Variants in PARD6G observed in about 807,000 individuals in gnomAD.
The protein encoded by PARD6G is par-6 family cell polarity regulator gamma.
PARD6G carries 7 observed loss-of-function variants against 10.7 expected under a neutral mutation model. That is an observed-to-expected ratio of 0.66 (90% CI 0.37 to 1.23). PARD6G has a LOEUF of 1.23. PARD6G is among the 50% of genes most tolerant of loss of function. The pLI is 0.02. For synonymous variants in PARD6G, 287 were observed against 269.4 expected (o/e 1.07, Z -0.64); for missense variants, 548 against 571.8 (o/e 0.96, Z 0.42).
At position 80,180,749 on chromosome 18, in the gene PARD6G, C is replaced by T. The variant is rs568511001; in HGVS notation, c.296-20143G>A. 4.6e-5 allele frequency among the ~76,000 whole-genome samples: 7 copies of T among 152,278 alleles called. No homozygotes were observed. The East Asian group carries it at 5.8e-4, about 13-fold the overall frequency. Reference sequence around the variant, plus strand: ...TGTCAGGGGGCCGGACGTCCACCTGCAGGCCCAGCCCTTCCTCATCACAAC... The same window carrying T: ...TGTCAGGGGGCCGGACGTCCACCTGTAGGCCCAGCCCTTCCTCATCACAAC... On this transcript the variant is annotated intron_variant, in intron 2 of 2. Coordinates refer to ENST00000353265, the MANE Select transcript of PARD6G (RefSeq NM_032510.4). The surrounding 1 kb of genome is among the most constrained non-coding windows in gnomAD (Gnocchi z 5.6).
intron 2 of PARD6G, among the ~76,000 whole-genome samples, chr18:80,194,257 A>G (rs543512049): frequency 6.6e-6 from 1 of 152,334 alleles, no homozygotes; most frequent in African/African-American, 2.4e-5. Flanking sequence ...CAAGCAAGCG[A>G]AATGTGAATT....
intron 1 of PARD6G, among the ~76,000 whole-genome samples, chr18:80,232,132 C>A (rs566519989): frequency 1.3e-5 from 2 of 152,284 alleles, no homozygotes; most frequent in Admixed American, 1.3e-4. Flanking sequence ...GTGACCAGAG[C>A]CAGCAGCTCT....
At chr18:80,186,970 G>A (rs2052883138) in intron 2 of PARD6G, among the ~76,000 whole-genome samples, 1 of 152,084 alleles carries the variant, frequency 6.6e-6, no homozygotes, top group Non-Finnish European at 1.5e-5. Flanking sequence ...GTGGTGGCGG[G>A]CACCTGTAGT....
At position 80,202,851 on chromosome 18, in the gene PARD6G, T is replaced by C; in HGVS notation, c.154A>G (p.Thr52Ala). 2 of 1,610,642 alleles carry C rather than the reference T, an allele frequency of 1.2e-6. No individual in the cohort carries two copies. Among genetic ancestry groups the C allele is most frequent in the Non-Finnish European group, 8.5e-7 (1 of 1,179,336 alleles). ...FEDFYKLVVHTHHISNSDVTI... is the reference protein window; with the variant it reads ...FEDFYKLVVHAHHISNSDVTI... ...ACATCACTGTTGGAGATATGGTGGG[T>C]GTGCACAACCAGCTTGTAGAAATCT... The change falls in exon 2 of 3, where the codon ACC becomes GCC. Residue 52 changes from threonine to alanine, a missense_variant. By Grantham distance (58) the Thr-to-Ala change is moderately conservative. Around this residue, in one of 2 missense-constraint regions of PARD6G, gnomAD observed 235 missense variants for 291.9 expected, o/e 0.81. Coordinates refer to ENST00000353265, the MANE Select transcript of PARD6G (RefSeq NM_032510.4).
chr18:80,193,058 C>A (rs926801400), intron 2 of PARD6G, among the ~76,000 whole-genome samples: 8 of 152,150 alleles, frequency 5.3e-5, no homozygotes, highest in Non-Finnish European at 1.0e-4. Context: ...GGTCTCTGAG[C>A]TGTACTCTTT....
At chr18:80,229,458 G>A (rs1032199986) in intron 1 of PARD6G, among the ~76,000 whole-genome samples, 2 of 152,208 alleles carry the variant, frequency 1.3e-5, no homozygotes, top group African/African-American at 2.4e-5. Flanking sequence ...GGACCTCTGG[G>A]GCTGGGCCCA....
chr18:80,225,412 G>A (rs1256210148), intron 1 of PARD6G, among the ~76,000 whole-genome samples: 1 of 152,090 alleles, frequency 6.6e-6, no homozygotes, highest in African/African-American at 2.4e-5. Flanking sequence ...TGGGGCATGA[G>A]ATGCACATAC....
rs543352087 is a variant in PARD6G, at chr18:80,188,758, C to A, written c.295+13952G>T. Among the ~76,000 whole-genome samples the A allele has an allele frequency of 2.0e-5, 3 of 152,364 alleles. No homozygotes were observed. The East Asian group carries it at 5.8e-4, about 29-fold the overall frequency. On this transcript the variant is annotated intron_variant, in intron 2 of 2. Transcript: ENST00000353265. This position sits in a 1 kb window ranked among gnomAD's most constrained non-coding sequence, Gnocchi z 5.4. ...AAGATGGGCAGCTCTCGGCCAGTCA[C>A]CCTGGCCTGGGATGGCCGGGGTACA...
chr18:80,185,834 A>G lies in PARD6G; in HGVS notation c.295+16876T>C, dbSNP rs374336123. Among the ~76,000 whole-genome samples the G allele has an allele frequency of 2.1e-4, 31 of 147,012 alleles. No homozygotes were observed. In the South Asian group the frequency reaches 6.6e-3, roughly 31 times the overall value. ...CCCTGACATGCTCGCACACCCTCAC[A>G]CACGCATGCACCCACACAGGCACCC... On this transcript the variant is annotated intron_variant, in intron 2 of 2. Coordinates refer to ENST00000353265, the MANE Select transcript of PARD6G (RefSeq NM_032510.4).
intron 2 of PARD6G, among the ~76,000 whole-genome samples, chr18:80,163,114 C>G (rs2052711618): frequency 6.6e-6 from 1 of 152,152 alleles, no homozygotes; most frequent in South Asian, 2.1e-4. Context: ...CAAATCTATG[C>G]ACTTTCAAGA....
At chr18:80,212,545 G>A (rs1239561737) in intron 1 of PARD6G, among the ~76,000 whole-genome samples, 1 of 152,090 alleles carries the variant, frequency 6.6e-6, no homozygotes, top group East Asian at 1.9e-4. Flanking sequence ...ATCCACCACC[G>A]CTACAACCGC....
At position 80,246,629 on chromosome 18, in the gene PARD6G, G is replaced by A. The variant is rs1248084157; in HGVS notation, c.72+648C>T. 5.4e-5 allele frequency among the ~76,000 whole-genome samples: 8 copies of A among 147,962 alleles called. No individual in the cohort carries two copies. Among genetic ancestry groups the A allele is most frequent in the Non-Finnish European group, 1.1e-4 (7 of 66,304 alleles). On this transcript the variant is annotated intron_variant, in intron 1 of 2. Transcript: ENST00000353265. This position sits in a 1 kb window ranked among gnomAD's most constrained non-coding sequence, Gnocchi z 6.7. ...GGGAGTCTGGGGTGGGGGCGCGCCC[G>A]TGGGGGTGGGGTGGGGTGTCTGGCC...
In PARD6G at chr18:80,192,641, C is replaced by T. The variant is rs1966909190; in HGVS notation, c.295+10069G>A. Among the ~76,000 whole-genome samples the T allele has an allele frequency of 6.6e-6, 1 of 152,158 alleles. No individual in the cohort carries two copies. Among genetic ancestry groups the T allele is most frequent in the South Asian group, 2.1e-4 (1 of 4,834 alleles). ...GGCTGTCATGACACATTGAAGGGTA[C>T]ACTGTACTTTCTGAACCTTACTGTG... On this transcript the variant is annotated intron_variant, in intron 2 of 2. Transcript: ENST00000353265. The surrounding 1 kb of genome is among the most constrained non-coding windows in gnomAD (Gnocchi z 4.9).
At chr18:80,216,585 C>T (rs185368804) in intron 1 of PARD6G, among the ~76,000 whole-genome samples, 231 of 152,032 alleles carry the variant, frequency 1.5e-3, no homozygotes, top group African/African-American at 5.3e-3. Context: ...AATGAAAATA[C>T]ACCACACCAA....
In PARD6G at chr18:80,182,810, A is replaced by G. The variant is rs1350897370; in HGVS notation, c.295+19900T>C. On this transcript the variant is annotated intron_variant, in intron 2 of 2. Coordinates refer to ENST00000353265, the MANE Select transcript of PARD6G (RefSeq NM_032510.4). The surrounding 1 kb of genome is among the most constrained non-coding windows in gnomAD (Gnocchi z 4.5). ...TCTGTTTTATTCTTTTAAAAATGAC[A>G]AGTTACTATTTTGGGCAGGACAAAT... 1 of 340,264 alleles carries G rather than the reference A, an allele frequency of 2.9e-6. No homozygotes were observed. Among genetic ancestry groups the G allele is most frequent in the Non-Finnish European group, 5.3e-6 (1 of 187,910 alleles). The allele number at this position is 340,264 out of a possible 1,614,324, so 21.1% of individuals were successfully genotyped here.
chr18:80,160,499 C>G lies in PARD6G; in HGVS notation c.403G>C (p.Gly135Arg). ...GPRRRAHLDI[G>R]LPRDFRPVSS... ...ACGGGGCGGAAGTCGCGCGGGAGGC[C>G]GATGTCCAGGTGTGCACGCCGCCGG... Residue 135 changes from glycine to arginine, a missense_variant, in exon 3 of 3, where the codon GGC becomes CGC. This residue lies in a region of PARD6G where 235 missense variants were observed against 291.9 expected (regional missense o/e 0.81). Coordinates refer to ENST00000353265, the MANE Select transcript of PARD6G (RefSeq NM_032510.4). 6.5e-7 allele frequency: 1 copy of G among 1,544,952 alleles called. No homozygotes were observed. Among genetic ancestry groups the G allele is most frequent in the Non-Finnish European group, 8.7e-7 (1 of 1,144,900 alleles).
intron 1 of PARD6G, among the ~76,000 whole-genome samples, chr18:80,203,849 A>G (rs1259069271): frequency 6.6e-6 from 1 of 152,212 alleles, no homozygotes; most frequent in Non-Finnish European, 1.5e-5. Flanking sequence ...TAGACATGAA[A>G]TTGCAAGAAT....
At position 80,225,189 on chromosome 18, in the gene PARD6G, T is replaced by C. The variant is rs549899603; in HGVS notation, c.72+22088A>G. 3.9e-4 allele frequency among the ~76,000 whole-genome samples: 60 copies of C among 152,328 alleles called. 1 individual carries two copies. The Middle Eastern group carries it at 0.017, about 43-fold the overall frequency. ...AAGCAGCCATCACCGCATGTTGGACTCATGTCTGCTTTTCCTTTACAAAGG... is the reference window on the plus strand; with the variant it reads ...AAGCAGCCATCACCGCATGTTGGACCCATGTCTGCTTTTCCTTTACAAAGG... On this transcript the variant is annotated intron_variant, in intron 1 of 2. Coordinates refer to ENST00000353265, the MANE Select transcript of PARD6G (RefSeq NM_032510.4).
In PARD6G at chr18:80,160,663, G is replaced by A. The variant is rs545116530; in HGVS notation, c.296-57C>T. 783 of 1,427,350 alleles carry A rather than the reference G, an allele frequency of 5.5e-4. 2 individuals carry two copies. In the African/African-American group the frequency reaches 9.7e-3, roughly 18 times the overall value. The allele number at this position is 1,427,350 out of a possible 1,614,324, so 88.4% of individuals were successfully genotyped here. A position where few individuals can be genotyped will look rare whatever the true frequency, so the allele number is the denominator to read the frequency against. ...ACAACCGAGCCCCGCCTGAGCCCTC[G>A]GCCGTCATACACCTGGCACTGCTGT... On this transcript the variant is annotated intron_variant, in intron 2 of 2. Coordinates refer to ENST00000353265, the MANE Select transcript of PARD6G (RefSeq NM_032510.4).
Sources: gnomAD v4.1 joint callset for allele counts (sites outside exome capture counted in the v4.1 genomes callset) on GRCh38, gnomAD v4.1.1 for gene constraint, gnomAD v4.1.1 regional missense constraint, Gnocchi (gnomAD v3.1) non-coding constraint, MANE v1.5 for transcripts, NCBI Gene and HGNC (gene_info 2026-07-23, HGNC 2026-07-21) for gene names.